The following SP140 variants were observed in gnomAD, a reference collection of about 807,000 sequenced individuals.
SP140 encodes nuclear body protein SP140.
SP140 carries 81 observed loss-of-function variants against 125.0 expected under a neutral mutation model. That is an observed-to-expected ratio of 0.65 (90% CI 0.54 to 0.78). The LOEUF (loss-of-function observed/expected upper bound fraction) is 0.78, where lower values mean the gene tolerates loss of function less well. SP140 is among the 30% of genes least tolerant of loss of function. The pLI is 0.00. For synonymous variants in SP140, 312 were observed against 354.0 expected, an observed-to-expected ratio of 0.88 and a Z score of 1.33; for missense variants, 858 against 1,037.0, an observed-to-expected ratio of 0.83 and a Z score of 2.37.
At chr2:230,199,005 TGCCACATGCTGAGGATGATGGA>T (rs1216226610), upstream of SP140, among the ~76,000 whole-genome samples, 9 of 152,026 alleles carry the variant, frequency 5.9e-5, no homozygotes, top group South Asian at 2.1e-4. Context: ...ATAAAGGGGA[TGCCACATGCTGAGGATGATGGA>T]GCCACATGCT....
At chr2:230,191,425 A>G in the SP140 span, among the ~76,000 whole-genome samples, 1 of 152,184 alleles carries the variant, frequency 6.6e-6, no homozygotes, top group East Asian at 1.9e-4. Context: ...AATCAAATAG[A>G]CAGAATAAAA....
intron 3 of SP140, among the ~76,000 whole-genome samples, chr2:230,217,444 C>T: frequency 6.6e-6 from 1 of 151,970 alleles, no homozygotes; most frequent in East Asian, 1.9e-4. Flanking sequence ...CTGAGAGTGA[C>T]TGAAAATATA....
At chr2:230,270,033 C>T (rs1301801230) in intron 14 of SP140, 80 bp downstream of exon 14, 4 of 870,788 alleles carry the variant, frequency 4.6e-6, no homozygotes, top group Admixed American at 4.0e-5. Context: ...GTAGGTGCTC[C>T]AGTCTGTCCA....
the SP140 span, among the ~76,000 whole-genome samples, chr2:230,193,415 G>A: frequency 6.6e-6 from 1 of 152,222 alleles, no homozygotes; most frequent in African/African-American, 2.4e-5. Flanking sequence ...ACCTACATAC[G>A]TTGTTTTCTT....
intron 3 of SP140, chr2:230,220,248 A>C (rs1444646346): frequency 5.9e-6 from 1 of 168,140 alleles, no homozygotes; most frequent in Non-Finnish European, 1.2e-5. Context: ...CTGGGAACTC[A>C]GCGTCCAAAT....
chr2:230,197,541 A>G, the SP140 span, among the ~76,000 whole-genome samples: 2 of 147,420 alleles, frequency 1.4e-5, no homozygotes, highest in Non-Finnish European at 1.5e-5. Flanking sequence ...GAAGCTCTTT[A>G]GTTTAATTAG....
At chr2:230,250,915 A>T (rs9989835) in intron 9 of SP140, 66 bp from the exon 10 acceptor site, 270,908 of 1,573,142 alleles carry the variant, frequency 0.17, 24,867 homozygotes, top group Middle Eastern at 0.22. Flanking sequence ...GAGATACTTC[A>T]GCTTCCCACG....
Position 230,245,893 on chromosome 2 carries a change from A to G in SP140, c.695A>G (p.Glu232Gly). 1 of 1,607,364 alleles carries G rather than the reference A, an allele frequency of 6.2e-7. No individual in the cohort carries two copies. The highest frequency in any genetic ancestry group is 2.2e-5 in the East Asian group (1 of 44,866). ...VSCKLAIQIDEGESEEMPKLL... is the reference protein window; with the variant it reads ...VSCKLAIQIDGGESEEMPKLL... ...TGTAAACTTGCTATACAAATAGATG[A>G]AGGAGAATCAGAAGAAATGCCCAAG... The change falls in exon 7 of 27, where the codon GAA becomes GGA. Residue 232 changes from glutamate to glycine, a missense_variant. Transcript: ENST00000392045.
At chr2:230,291,011 G>A (rs987990329) in intron 19 of SP140, among the ~76,000 whole-genome samples, 2 of 152,170 alleles carry the variant, frequency 1.3e-5, no homozygotes, top group Non-Finnish European at 2.9e-5. Flanking sequence ...GTTCCATTCT[G>A]AGTAGAGAAG....
At position 230,241,433 on chromosome 2, in the gene SP140, A is replaced by T. The variant is rs761864055; in HGVS notation, c.436A>T (p.Asn146Tyr). 11 of 1,598,902 alleles carry T rather than the reference A, an allele frequency of 6.9e-6. No individual in the cohort carries two copies. The highest frequency in any genetic ancestry group is 9.4e-6 in the Non-Finnish European group (11 of 1,166,324). The change falls in exon 4 of 27, where the codon AAT becomes TAT. Residue 146 changes from asparagine (N) to tyrosine (Y), a missense_variant. Physicochemically the swap from Asn to Tyr is moderately radical, Grantham distance 143. This residue lies in a region of SP140 where 791 missense variants were observed against 869.5 expected (regional missense o/e 0.91). Transcript: ENST00000392045. Reference sequence around the variant, plus strand: ...CTATGAACACTCACCTCTCCAAATGAATAATGTAAACGATTTAGAAGATAG... The same window carrying T: ...CTATGAACACTCACCTCTCCAAATGTATAATGTAAACGATTTAGAAGATAG... ...VCYEHSPLQM[N>Y]NVNDLEDRPR... is the part of the protein sequence containing the mutation.
Position 230,213,088 on chromosome 2 carries a change from G to A in SP140, c.-322-566G>A, listed in dbSNP as rs1030321922. ...GAGACTCAGAATTACTTGGGGAAGG[G>A]GATTTCTTAATACATGCCTTCCAAT... On this transcript the variant is annotated intron_variant, in intron 1 of 4. Transcript: ENST00000456542. 1.9e-6 allele frequency: 3 copies of A among 1,557,832 alleles called. No individual in the cohort carries two copies. The African/African-American group carries it at 4.1e-5, about 21-fold the overall frequency.
intron 1 of SP140, among the ~76,000 whole-genome samples, chr2:230,233,508 C>G: frequency 6.6e-6 from 1 of 152,002 alleles, no homozygotes; most frequent in African/African-American, 2.4e-5. Context: ...TATTTGGGTT[C>G]AGGATATTTT....
At chr2:230,191,284 T>G in the SP140 span, among the ~76,000 whole-genome samples, 116,031 of 151,788 alleles carry the variant, frequency 0.76, 44,455 homozygotes, top group Admixed American at 0.83. Flanking sequence ...AAGAAATAAG[T>G]AAGATCAGAG....
intron 15 of SP140, among the ~76,000 whole-genome samples, chr2:230,279,990 G>A (rs2055289811): frequency 6.6e-6 from 1 of 151,856 alleles, no homozygotes; most frequent in Admixed American, 6.6e-5. Flanking sequence ...TGCCCCTTGA[G>A]AATAATGTAC....
intron 20 of SP140, among the ~76,000 whole-genome samples, chr2:230,293,207 A>G (rs2057325011): frequency 6.6e-6 from 1 of 152,256 alleles, no homozygotes; most frequent in Admixed American, 6.5e-5. Flanking sequence ...GCAATTAGGT[A>G]TAATTTAACA....
chr2:230,292,896 C>A, intron 20 of SP140, 108 bp downstream of exon 20: 1 of 1,505,522 alleles, frequency 6.6e-7, no homozygotes, highest in Non-Finnish European at 9.0e-7. Flanking sequence ...GCCTTGATGC[C>A]AGTGGGTTTA....
At chr2:230,289,722 G>T (rs770204232) in intron 18 of SP140, among the ~76,000 whole-genome samples, 40 of 152,160 alleles carry the variant, frequency 2.6e-4, no homozygotes, top group Non-Finnish European at 5.1e-4. Context: ...TGATCCACCT[G>T]CCTTGCCCTC....
chr2:230,274,418 A>G (rs2054402308), intron 15 of SP140, among the ~76,000 whole-genome samples: 2 of 152,186 alleles, frequency 1.3e-5, no homozygotes, highest in Non-Finnish European at 2.9e-5. Context: ...CTATGGAAGA[A>G]TGGTCAGAGA....
At chr2:230,235,647 G>C (rs1230637142) in intron 1 of SP140, among the ~76,000 whole-genome samples, 1 of 152,046 alleles carries the variant, frequency 6.6e-6, no homozygotes, top group Non-Finnish European at 1.5e-5. Flanking sequence ...ATACCGTTTA[G>C]AAATACAGAT....
Sources: allele counts gnomAD v4.1 joint callset (sites outside exome capture counted in the v4.1 genomes callset), GRCh38; gene constraint gnomAD v4.1.1; regional missense constraint gnomAD v4.1.1; transcripts MANE v1.5; gene names NCBI Gene and HGNC (gene_info 2026-07-23, HGNC 2026-07-21).